PDZRN4: variants seen among roughly 807,000 people sequenced by gnomAD.
The protein encoded by PDZRN4 is PDZ domain containing ring finger 4.
In PDZRN4, 70 loss-of-function variants were observed where a neutral mutation model predicts 99.0. The observed-to-expected ratio is 0.71, with a 90% CI of 0.58 to 0.86. The LOEUF (loss-of-function observed/expected upper bound fraction) is 0.86, where lower values mean the gene tolerates loss of function less well. Among genes scored for constraint, PDZRN4 ranks in the 40% least tolerant of loss-of-function variants. The pLI is 0.00. For synonymous variants in PDZRN4, 551 were observed against 501.6 expected, an observed-to-expected ratio of 1.10 and a Z score of -1.32; for missense variants, 1,474 against 1,331.2, an observed-to-expected ratio of 1.11 and a Z score of -1.67.
At chr12:41,244,036 G>A (rs1449724139) in intron 3 of PDZRN4, among the ~76,000 whole-genome samples, 1 of 152,002 alleles carries the variant, frequency 6.6e-6, no homozygotes, top group Non-Finnish European at 1.5e-5. Flanking sequence ...TTTATGTGTA[G>A]GTCTGACCTT....
chr12:41,279,606 A>G (rs1216267910), intron 3 of PDZRN4, among the ~76,000 whole-genome samples: 1 of 152,202 alleles, frequency 6.6e-6, no homozygotes, highest in East Asian at 1.9e-4. Flanking sequence ...TCCTCAGATA[A>G]GAATATTAAT....
At chr12:41,374,494 AC>A (rs1952065589) in intron 3 of PDZRN4, among the ~76,000 whole-genome samples, 1 of 152,096 alleles carries the variant, frequency 6.6e-6, no homozygotes, top group Non-Finnish European at 1.5e-5. Flanking sequence ...AGGGGAAGTG[AC>A]CTCACATGCT....
At chr12:41,320,592 C>T (rs1373909156) in intron 3 of PDZRN4, among the ~76,000 whole-genome samples, 1 of 152,148 alleles carries the variant, frequency 6.6e-6, no homozygotes, top group East Asian at 1.9e-4. Flanking sequence ...GGCACCTGGT[C>T]AGAAGGGAGA....
intron 3 of PDZRN4, among the ~76,000 whole-genome samples, chr12:41,420,633 A>C (rs1952480960): frequency 6.6e-6 from 1 of 152,086 alleles, no homozygotes; most frequent in Admixed American, 6.6e-5. Context: ...CCTCTGTTTG[A>C]AATTATATTT....
chr12:41,383,750 A>T (rs1000973378), intron 3 of PDZRN4, among the ~76,000 whole-genome samples: 1 of 152,202 alleles, frequency 6.6e-6, no homozygotes, highest in Non-Finnish European at 1.5e-5. Flanking sequence ...TTTGTAGCTG[A>T]TTTACATTAG....
chr12:41,244,880 C>T (rs1951124559), intron 3 of PDZRN4, among the ~76,000 whole-genome samples: 1 of 106,032 alleles, frequency 9.4e-6, no homozygotes, highest in Non-Finnish European at 2.1e-5. Flanking sequence ...GAGACGAAGA[C>T]GGGGTTTCAC....
intron 3 of PDZRN4, among the ~76,000 whole-genome samples, chr12:41,376,508 C>T (rs1352682608): frequency 6.6e-6 from 1 of 152,080 alleles, no homozygotes; most frequent in African/African-American, 2.4e-5. Context: ...CATGTATTTA[C>T]TGGCCATCCA....
chr12:41,284,581 G>A (rs563789150), intron 3 of PDZRN4, among the ~76,000 whole-genome samples: 23 of 152,308 alleles, frequency 1.5e-4, no homozygotes, highest in Admixed American at 1.5e-3. Flanking sequence ...CAAAGCTGGA[G>A]GCATCACGCA....
rs916612587 is a variant in PDZRN4, at chr12:41,547,353, C to T, written c.1204-5303C>T. Among the ~76,000 whole-genome samples the T allele has an allele frequency of 2.0e-5, 3 of 152,168 alleles. No individual in the cohort carries two copies. In the South Asian group the frequency reaches 6.2e-4, roughly 32 times the overall value. ...AAAATTTATGGATCATGGCCAGGCA[C>T]GGTGGCTTATGCCTCTAATCCCAGC... On this transcript the variant is annotated intron_variant, in intron 5 of 9. Coordinates refer to ENST00000402685, the MANE Select transcript of PDZRN4 (RefSeq NM_001164595.2).
chr12:41,275,399 T>C (rs752979302), intron 3 of PDZRN4, among the ~76,000 whole-genome samples: 6 of 152,150 alleles, frequency 3.9e-5, no homozygotes, highest in Non-Finnish European at 5.9e-5. Context: ...CAATATTTTA[T>C]AGTTTTCATT....
intron 5 of PDZRN4, among the ~76,000 whole-genome samples, chr12:41,549,886 G>A (rs926143935): frequency 3.3e-5 from 5 of 152,044 alleles, no homozygotes; most frequent in Non-Finnish European, 2.9e-5. Flanking sequence ...GAAATAGGAG[G>A]GTGTTGAGTG....
intron 3 of PDZRN4, among the ~76,000 whole-genome samples, chr12:41,268,577 TGAC>T (rs1951294735): frequency 6.6e-6 from 1 of 152,226 alleles, no homozygotes; most frequent in Non-Finnish European, 1.5e-5. Context: ...ACGAAAAACT[TGAC>T]TTTTTCCCTC....
chr12:41,541,424 G>C (rs1342427069), intron 5 of PDZRN4, among the ~76,000 whole-genome samples: 2 of 149,746 alleles, frequency 1.3e-5, no homozygotes, highest in Non-Finnish European at 1.5e-5. Flanking sequence ...GTCACCCAAA[G>C]TTGATATTTA....
At chr12:41,290,629 G>T (rs1951451527) in intron 3 of PDZRN4, among the ~76,000 whole-genome samples, 2 of 151,942 alleles carry the variant, frequency 1.3e-5, no homozygotes, top group South Asian at 4.2e-4. Context: ...ATCTAGTATT[G>T]ATATTTCTTA....
At chr12:41,350,269 A>T (rs1918227) in intron 3 of PDZRN4, among the ~76,000 whole-genome samples, 72,669 of 151,928 alleles carry the variant, frequency 0.48, 18,199 homozygotes, top group Middle Eastern at 0.65. Context: ...AATTAATATT[A>T]GTTCCTAGTA....
At chr12:41,340,370 A>G (rs1951807104) in intron 3 of PDZRN4, among the ~76,000 whole-genome samples, 1 of 152,078 alleles carries the variant, frequency 6.6e-6, no homozygotes, top group Admixed American at 6.6e-5. Flanking sequence ...GTGGAATCTA[A>G]AACTAAAAGC....
At chr12:41,489,191 T>G (rs924161280) in intron 3 of PDZRN4, among the ~76,000 whole-genome samples, 2 of 152,212 alleles carry the variant, frequency 1.3e-5, no homozygotes, top group African/African-American at 2.4e-5. Flanking sequence ...AGCCAAAAGG[T>G]TGGACACCTC....
At chr12:41,408,028 T>C (rs1016019087) in intron 3 of PDZRN4, among the ~76,000 whole-genome samples, 4 of 152,312 alleles carry the variant, frequency 2.6e-5, no homozygotes, top group Admixed American at 6.5e-5. Flanking sequence ...TTTTAGAGTG[T>C]GATGTTTGAT....
At chr12:41,375,147 C>T (rs956597674) in intron 3 of PDZRN4, among the ~76,000 whole-genome samples, 1 of 152,138 alleles carries the variant, frequency 6.6e-6, no homozygotes, top group Admixed American at 6.5e-5. Context: ...TGACTACAGC[C>T]TCAGTCTACA....
Sources: allele counts gnomAD v4.1 joint callset (sites outside exome capture counted in the v4.1 genomes callset), GRCh38; gene constraint gnomAD v4.1.1; transcripts MANE v1.5; gene names NCBI Gene and HGNC (gene_info 2026-07-23, HGNC 2026-07-21).